The following DCTN4 variants were observed in gnomAD, a reference collection of about 807,000 sequenced individuals.
DCTN4 encodes the protein dynactin 4 (p62).
In DCTN4, 23 loss-of-function variants were observed where a neutral mutation model predicts 62.7. That is an observed-to-expected ratio of 0.37 (90% confidence interval 0.26 to 0.52). DCTN4 has a LOEUF of 0.52. Ranked by LOEUF, DCTN4 falls within the 20% of genes least tolerant of loss-of-function variation. DCTN4 has a pLI of 0.92. For synonymous variants in DCTN4, 199 were observed against 202.1 expected, an observed-to-expected ratio of 0.98 and a Z score of 0.13; for missense variants, 514 against 580.4, an observed-to-expected ratio of 0.89 and a Z score of 1.18.
At chr5:150,719,110 G>A (rs1445038662) in intron 10 of DCTN4, among the ~76,000 whole-genome samples, 5 of 152,238 alleles carry the variant, frequency 3.3e-5, no homozygotes, top group East Asian at 3.9e-4. Context: ...ATGAGCCACC[G>A]TGCCCGACCT....
In DCTN4 at chr5:150,733,928, C is replaced by A. The variant is rs545526035; in HGVS notation, c.430-453G>T. 369 of 153,978 alleles carry A rather than the reference C, an allele frequency of 2.4e-3. 2 individuals carry two copies. Among genetic ancestry groups the A allele is most frequent in the Middle Eastern group, 6.8e-3 (2 of 294 alleles). The allele number at this position is 153,978 out of a possible 1,614,324, so 9.5% of individuals were successfully genotyped here. On this transcript the variant is annotated intron_variant, in intron 4 of 12. Coordinates refer to ENST00000447998, the MANE Select transcript of DCTN4 (RefSeq NM_016221.4). ...AAACCAGGATGGGCACAGTGGCTCA[C>A]GCCTACAATTCCAGCACTTTGGGAG...
chr5:150,755,316 C>T (rs1282626118), intron 2 of DCTN4, among the ~76,000 whole-genome samples: 1 of 152,180 alleles, frequency 6.6e-6, no homozygotes, highest in East Asian at 1.9e-4. Context: ...AGATAGTCCT[C>T]AAGGACAGGG....
chr5:150,747,327 G>C (rs185326878), intron 3 of DCTN4, among the ~76,000 whole-genome samples: 137 of 152,272 alleles, frequency 9.0e-4, no homozygotes, highest in African/African-American at 3.2e-3. Flanking sequence ...ATGCTCATGG[G>C]TAGGAAGAAT....
chr5:150,712,295 A>G (rs575438062), intron 12 of DCTN4, among the ~76,000 whole-genome samples: 2 of 152,192 alleles, frequency 1.3e-5, no homozygotes, highest in South Asian at 4.1e-4. Context: ...ACGCCCAGCT[A>G]ATTTTTATAA....
At chr5:150,716,827 G>A (rs1420131243) in intron 11 of DCTN4, among the ~76,000 whole-genome samples, 1 of 152,016 alleles carries the variant, frequency 6.6e-6, no homozygotes, top group Non-Finnish European at 1.5e-5. Context: ...GCTGAGGTAG[G>A]GGAATCGCTT....
chr5:150,754,925 T>G (rs1404764444), intron 2 of DCTN4, among the ~76,000 whole-genome samples: 1 of 151,484 alleles, frequency 6.6e-6, no homozygotes, highest in Non-Finnish European at 1.5e-5. Context: ...ATTGCACCAC[T>G]GCACTTCAAC....
intron 2 of DCTN4, chr5:150,755,388 C>G (rs1581607278): frequency 2.8e-6 from 1 of 360,126 alleles, no homozygotes. Context: ...AAGTAGAGTA[C>G]AAAAAAAGAA....
At chr5:150,733,912 T>C (rs10066270) in intron 4 of DCTN4, 34,409 of 154,162 alleles carry the variant, frequency 0.22, 8,539 homozygotes, top group African/African-American at 0.62. Context: ...CAAACCAGGA[T>C]GGGCACAGTG....
chr5:150,716,259 C>T (rs61429119), intron 11 of DCTN4, among the ~76,000 whole-genome samples: 3,079 of 152,192 alleles, frequency 0.02, 98 homozygotes, highest in African/African-American at 0.068. Flanking sequence ...CATATTATTC[C>T]TCATTTTTTT....
intron 3 of DCTN4, among the ~76,000 whole-genome samples, chr5:150,751,658 G>A (rs756143812): frequency 1.3e-5 from 2 of 152,036 alleles, no homozygotes; most frequent in Non-Finnish European, 2.9e-5. Flanking sequence ...AGATGTTACA[G>A]AATCTTTCTA....
At chr5:150,750,433 T>A (rs990091749) in intron 3 of DCTN4, among the ~76,000 whole-genome samples, 41 of 152,206 alleles carry the variant, frequency 2.7e-4, no homozygotes, top group Admixed American at 2.3e-3. Context: ...GTACACAACT[T>A]ATGACTGGCA....
chr5:150,757,858 G>A (rs1322736838), intron 1 of DCTN4: 5 of 154,528 alleles, frequency 3.2e-5, no homozygotes, highest in African/African-American at 1.2e-4. Flanking sequence ...CTCTGAGTTA[G>A]GCTGTTTAGA....
At chr5:150,749,090 T>A (rs535258416) in intron 3 of DCTN4, among the ~76,000 whole-genome samples, 4 of 151,898 alleles carry the variant, frequency 2.6e-5, no homozygotes, top group African/African-American at 9.7e-5. Flanking sequence ...AACTATAAAA[T>A]AAAAAAATTG....
At chr5:150,758,750 T>C (rs375358461) in intron 1 of DCTN4, 109 bp downstream of exon 1, 313 of 1,483,592 alleles carry the variant, frequency 2.1e-4, no homozygotes, top group African/African-American at 1.4e-3. Flanking sequence ...ACGGAAGACA[T>C]AACCAATCAG....
chr5:150,758,708 G>A, intron 1 of DCTN4, 151 bp downstream of exon 1: 1 of 1,353,270 alleles, frequency 7.4e-7, no homozygotes, highest in Non-Finnish European at 1.0e-6. Context: ...TGACAGATTA[G>A]AAGCAAATTA....
At chr5:150,748,334 T>C (rs2113130256) in intron 3 of DCTN4, among the ~76,000 whole-genome samples, 1 of 152,078 alleles carries the variant, frequency 6.6e-6, no homozygotes, top group African/African-American at 2.4e-5. Flanking sequence ...TTTACACTGT[T>C]GGTGGGACTG....
chr5:150,731,358 T>C (rs1760358936), intron 6 of DCTN4, 58 bp downstream of exon 6: 4 of 1,386,812 alleles, frequency 2.9e-6, no homozygotes, highest in Non-Finnish European at 4.1e-6. Context: ...TCTCATTTAT[T>C]TGATATTCAT....
intron 2 of DCTN4, among the ~76,000 whole-genome samples, chr5:150,755,986 T>C (rs993373111): frequency 1.3e-5 from 2 of 151,744 alleles, no homozygotes; most frequent in African/African-American, 2.4e-5. Context: ...TCTTTGGCAA[T>C]GGTGATGCTT....
At chr5:150,734,009 A>G (rs1760482487) in intron 4 of DCTN4, 1 of 152,400 alleles carries the variant, frequency 6.6e-6, no homozygotes, top group Admixed American at 6.5e-5. Flanking sequence ...TGGACAACAG[A>G]GTGAGACCTT....
Sources: allele counts gnomAD v4.1 joint callset (sites outside exome capture counted in the v4.1 genomes callset), GRCh38; gene constraint gnomAD v4.1.1; transcripts MANE v1.5; gene names NCBI Gene and HGNC (gene_info 2026-07-23, HGNC 2026-07-21).